Variants in FSTL5 observed in about 807,000 individuals in gnomAD.
FSTL5 encodes follistatin-related protein 5.
In FSTL5, 62 loss-of-function variants were observed where a neutral mutation model predicts 89.1. The observed-to-expected ratio is 0.70, with a 90% CI of 0.57 to 0.86. The LOEUF (loss-of-function observed/expected upper bound fraction) is 0.86, where lower values mean the gene tolerates loss of function less well. FSTL5 is among the 40% of genes least tolerant of loss of function. The pLI, the probability that FSTL5 is intolerant of heterozygous loss-of-function variation, is 0.00. For synonymous variants in FSTL5, 383 were observed against 346.2 expected, an observed-to-expected ratio of 1.11 and a Z score of -1.18; for missense variants, 1,057 against 1,001.6, an observed-to-expected ratio of 1.06 and a Z score of -0.75.
intron 4 of FSTL5, among the ~76,000 whole-genome samples, chr4:161,884,216 A>AT (rs1489600722): frequency 6.6e-6 from 1 of 151,804 alleles, no homozygotes; most frequent in African/African-American, 2.4e-5. Context: ...CACCTGGCTA[A>AT]TTTTTTGTAT....
At chr4:161,722,981 T>TTTATAGGGGACC (rs1304137675) in intron 6 of FSTL5, among the ~76,000 whole-genome samples, 1 of 152,168 alleles carries the variant, frequency 6.6e-6, no homozygotes, top group Non-Finnish European at 1.5e-5. Context: ...ACCAGCTACA[T>TTTATAGGGGACC]TTCTTTCTGG....
intron 4 of FSTL5, among the ~76,000 whole-genome samples, chr4:161,860,926 CAT>C (rs1731890629): frequency 6.6e-6 from 1 of 152,086 alleles, no homozygotes; most frequent in African/African-American, 2.4e-5. Flanking sequence ...CACACACACA[CAT>C]GCACACACAC....
intron 2 of FSTL5, among the ~76,000 whole-genome samples, chr4:162,086,786 G>A (rs1730339810): frequency 6.6e-6 from 1 of 151,556 alleles, no homozygotes; most frequent in African/African-American, 2.4e-5. Context: ...CTTCTATTTA[G>A]GAAAATAATA....
chr4:161,394,784 G>C (rs761731775), intron 15 of FSTL5, among the ~76,000 whole-genome samples: 1 of 152,074 alleles, frequency 6.6e-6, no homozygotes, highest in Non-Finnish European at 1.5e-5. Context: ...TTTTAAAAAA[G>C]TTTATATTTT....
intron 1 of FSTL5, among the ~76,000 whole-genome samples, chr4:162,114,843 T>A (rs1731575206): frequency 6.6e-6 from 1 of 152,144 alleles, no homozygotes; most frequent in African/African-American, 2.4e-5. Flanking sequence ...CTACATCTCT[T>A]ATATGATTAA....
intron 3 of FSTL5, among the ~76,000 whole-genome samples, chr4:161,983,837 T>C (rs1735892512): frequency 6.6e-6 from 1 of 152,108 alleles, no homozygotes; most frequent in South Asian, 2.1e-4. Context: ...TGATTTTGGG[T>C]CCTATAAACA....
rs1040436885 is a variant in FSTL5 at position 161,472,556 on chromosome 4, C to T, written c.1608+8464G>A. ...GTCCCATAAGTTTTGGTCTGTTGTGCTTTTATTTTCATTTGCCTCTAAGTA... is the reference window on the plus strand; with the variant it reads ...GTCCCATAAGTTTTGGTCTGTTGTGTTTTTATTTTCATTTGCCTCTAAGTA... On this transcript the variant is annotated intron_variant, in intron 13 of 15. Transcript: ENST00000306100. 4.6e-5 allele frequency among the ~76,000 whole-genome samples: 7 copies of T among 151,814 alleles called. No individual in the cohort carries two copies. The East Asian group carries it at 5.8e-4, about 13-fold the overall frequency.
At chr4:161,710,162 T>C (rs780219582) in intron 6 of FSTL5, among the ~76,000 whole-genome samples, 13 of 152,062 alleles carry the variant, frequency 8.5e-5, no homozygotes, top group Non-Finnish European at 1.8e-4. Context: ...GAGACAGTGC[T>C]CCACCATGTT....
At chr4:161,608,829 T>A (rs1734545196) in intron 7 of FSTL5, among the ~76,000 whole-genome samples, 1 of 152,036 alleles carries the variant, frequency 6.6e-6, no homozygotes, top group African/African-American at 2.4e-5. Flanking sequence ...CTCCTGCAAG[T>A]AGGCTCCACC....
chr4:161,572,112 C>A (rs572330637), intron 8 of FSTL5, among the ~76,000 whole-genome samples: 3 of 151,784 alleles, frequency 2.0e-5, no homozygotes, highest in South Asian at 2.1e-4. Context: ...GAGTTCAAGA[C>A]CATCCAGACC....
intron 6 of FSTL5, among the ~76,000 whole-genome samples, chr4:161,714,938 A>G (rs1472618739): frequency 1.3e-5 from 2 of 152,172 alleles, no homozygotes; most frequent in African/African-American, 4.8e-5. Flanking sequence ...CCAAGTTTGA[A>G]GTTCACTTAA....
chr4:162,061,041 A>G (rs565185943), intron 2 of FSTL5, among the ~76,000 whole-genome samples: 1 of 152,262 alleles, frequency 6.6e-6, no homozygotes, highest in East Asian at 1.9e-4. Flanking sequence ...GCAAGTCCAC[A>G]TCATAATAAG....
chr4:161,424,677 A>C (rs1732111221), intron 15 of FSTL5, among the ~76,000 whole-genome samples: 1 of 152,200 alleles, frequency 6.6e-6, no homozygotes, highest in African/African-American at 2.4e-5. Context: ...CAGACTCAAA[A>C]TGTAGAGACT....
In FSTL5 at chr4:161,602,217, CAGAG is replaced by C. The variant is rs145511967; in HGVS notation, c.895-14646_895-14643del. The stretch of plus-strand genomic sequence containing the variant: ...AAGCGTGTGCGCACGCATGCACACA[CAGAG>C]AGAGAGTGAGAGAGTGAGAGAGAGG... On this transcript the variant is annotated intron_variant, in intron 7 of 15. Transcript: ENST00000306100. Among the ~76,000 whole-genome samples the C allele has an allele frequency of 4.4e-4, 63 of 143,258 alleles. 1 individual carries two copies. The highest frequency in any genetic ancestry group is 3.7e-3 in the Middle Eastern group (1 of 272). 94.0% of individuals were successfully genotyped at this position (143,258 alleles called of 152,430 possible).
chr4:162,014,553 A>C (rs1044936215), intron 3 of FSTL5, among the ~76,000 whole-genome samples: 19 of 152,194 alleles, frequency 1.2e-4, no homozygotes, highest in Non-Finnish European at 2.5e-4. Context: ...AATTTGTGGA[A>C]CTAAGACCAT....
chr4:161,992,951 T>TATATATA (rs1560957824), intron 3 of FSTL5, among the ~76,000 whole-genome samples: 2 of 5,280 alleles, frequency 3.8e-4, no homozygotes, highest in Non-Finnish European at 1.3e-3. Context: ...TGTGTGTATA[T>TATATATA]CTATATATAT....
At chr4:161,450,381 T>C (rs560714090) in intron 15 of FSTL5, among the ~76,000 whole-genome samples, 6 of 152,014 alleles carry the variant, frequency 3.9e-5, no homozygotes, top group Admixed American at 1.3e-4. Context: ...AATAAAACAA[T>C]TGATTATGTA....
chr4:161,708,709 G>A (rs775734927), intron 6 of FSTL5, among the ~76,000 whole-genome samples: 2 of 151,922 alleles, frequency 1.3e-5, no homozygotes, highest in African/African-American at 2.4e-5. Context: ...CATTTCTAGT[G>A]AATATACATT....
chr4:161,928,498 T>A (rs1040165069), intron 3 of FSTL5, among the ~76,000 whole-genome samples: 2 of 151,838 alleles, frequency 1.3e-5, no homozygotes, highest in African/African-American at 4.8e-5. Context: ...TACCAAACTG[T>A]CTTCCAAAGT....
Sources: gnomAD v4.1 joint callset for allele counts (sites outside exome capture counted in the v4.1 genomes callset) on GRCh38, gnomAD v4.1.1 for gene constraint, MANE v1.5 for transcripts, NCBI Gene and HGNC (gene_info 2026-07-23, HGNC 2026-07-21) for gene names.